Variants in CDC20B observed in about 807,000 individuals in gnomAD.
CDC20B encodes cell division cycle 20B, also known as cell division cycle protein 20 homolog B.
CDC20B carries 58 observed loss-of-function variants against 64.1 expected under a neutral mutation model. That is an observed-to-expected ratio of 0.90 (90% CI 0.73 to 1.13). The LOEUF (loss-of-function observed/expected upper bound fraction) is 1.13. Ranked by LOEUF, CDC20B falls within the 50% of genes most tolerant of loss-of-function variation. The pLI, the probability that CDC20B is intolerant of heterozygous loss-of-function variation, is 0.00. For synonymous variants in CDC20B, 243 were observed against 230.6 expected (o/e 1.05, Z -0.49); for missense variants, 597 against 633.0 (o/e 0.94, Z 0.61).
chr5:55,171,994 C>A (rs1744613164), intron 2 of CDC20B, among the ~76,000 whole-genome samples: 1 of 152,138 alleles, frequency 6.6e-6, no homozygotes, highest in African/African-American at 2.4e-5. Flanking sequence ...GGAAGATGAA[C>A]TATTGAGCCT....
In CDC20B at chr5:55,114,699, T is replaced by A. The variant is rs1216945440; in HGVS notation, c.1460-381A>T. Among the ~76,000 whole-genome samples, 1 of 152,194 alleles carries A rather than the reference T, an allele frequency of 6.6e-6. No homozygotes were observed. On this transcript the variant is annotated intron_variant, in intron 11 of 11. Transcript: ENST00000381375. The surrounding 1 kb of genome is among the most constrained non-coding windows in gnomAD (Gnocchi z 4.1). Reference sequence around the variant, plus strand: ...AGGGGATTCCATGCTTTGCAGCTATTGGCAGTCATTGATTTGTGGCCACAT... The same window carrying A: ...AGGGGATTCCATGCTTTGCAGCTATAGGCAGTCATTGATTTGTGGCCACAT...
chr5:55,156,436 G>A (rs114660358), intron 2 of CDC20B, among the ~76,000 whole-genome samples: 5,397 of 152,234 alleles, frequency 0.035, 142 homozygotes, highest in Non-Finnish European at 0.049. Flanking sequence ...TTATGAAGTC[G>A]AAAGTTCAAA....
At chr5:55,135,502 C>T (rs1202682907) in intron 5 of CDC20B, among the ~76,000 whole-genome samples, 1 of 152,128 alleles carries the variant, frequency 6.6e-6, no homozygotes, top group Non-Finnish European at 1.5e-5. Flanking sequence ...ACTCTCATCC[C>T]AACCATATAT....
rs1425980204 is a variant in CDC20B at position 55,113,065 on chromosome 5, A to G, written c.*1153T>C. ...AATGCCAAGAACTCAAACCCAGGTA[A>G]CATCATTTCAAAACACTTCCTGGAG... On this transcript the variant is annotated 3_prime_UTR_variant, in exon 12 of 12. Coordinates refer to ENST00000381375, the MANE Select transcript of CDC20B (RefSeq NM_001170402.1). The G allele has an allele frequency of 6.6e-6, 1 of 152,240 alleles. No individual in the cohort carries two copies. The highest frequency in any genetic ancestry group is 1.5e-5 in the Non-Finnish European group (1 of 68,054). 9.4% of individuals were successfully genotyped at this position (152,240 alleles called of 1,614,324 possible).
chr5:55,143,268 T>C (rs77492347), intron 4 of CDC20B, among the ~76,000 whole-genome samples: 1 of 152,334 alleles, frequency 6.6e-6, no homozygotes, highest in African/African-American at 2.4e-5. Context: ...AAAGATAAAA[T>C]AGTTATTCTC....
intron 5 of CDC20B, among the ~76,000 whole-genome samples, chr5:55,135,374 G>C (rs921646504): frequency 1.3e-5 from 2 of 151,010 alleles, no homozygotes; most frequent in Non-Finnish European, 3.0e-5. Context: ...GCACCTTACA[G>C]AAACAAAAAC....
chr5:55,128,723 G>T, intron 6 of CDC20B, 106 bp from the exon 7 acceptor site: 1 of 770,306 alleles, frequency 1.3e-6, no homozygotes, highest in Non-Finnish European at 1.9e-6. Flanking sequence ...CATCCCCATG[G>T]TTAGCTGGAA....
chr5:55,136,925 T>G (rs1304911034), intron 5 of CDC20B: 1 of 152,284 alleles, frequency 6.6e-6, no homozygotes, highest in East Asian at 1.9e-4. Context: ...CAGTGGCTCA[T>G]GCCTATAATC....
chr5:55,124,218 T>C (rs1742821453), intron 9 of CDC20B, among the ~76,000 whole-genome samples: 1 of 152,208 alleles, frequency 6.6e-6, no homozygotes, highest in South Asian at 2.1e-4. Context: ...ACGTGTGAGC[T>C]TGTGACCCAG....
At chr5:55,142,640 T>TA (rs1382396642) in intron 4 of CDC20B, among the ~76,000 whole-genome samples, 1 of 152,154 alleles carries the variant, frequency 6.6e-6, no homozygotes, top group Non-Finnish European at 1.5e-5. Flanking sequence ...CAGTGCACCC[T>TA]AATTATCTCA....
chr5:55,128,572 G>A lies in CDC20B; in HGVS notation c.743C>T (p.Ala248Val). ...CCAGATGTATACAGCAGAGCCCAGG[G>A]CTATGGCAACAAGATTCTGAAAACT... Reference protein sequence around the residue: ...DWSFQNLVAIALGSAVYIWNG... With the variant: ...DWSFQNLVAIVLGSAVYIWNG... Residue 248 changes from alanine (A) to valine (V), a missense_variant, in exon 7 of 12, where the codon GCC (alanine) becomes GTC (valine). Transcript: ENST00000381375. 1 of 1,579,386 alleles carries A rather than the reference G, an allele frequency of 6.3e-7. No individual in the cohort carries two copies. The highest frequency in any genetic ancestry group is 1.2e-5 in the South Asian group (1 of 84,102).
intron 2 of CDC20B, chr5:55,163,992 A>G (rs1450850526): frequency 1.6e-6 from 2 of 1,228,442 alleles, no homozygotes; most frequent in Non-Finnish European, 2.3e-6. Context: ...AGATACTAAT[A>G]GAAGTGAAAA....
At chr5:55,146,106 T>C (rs1350096357) in intron 3 of CDC20B, among the ~76,000 whole-genome samples, 1 of 152,182 alleles carries the variant, frequency 6.6e-6, no homozygotes, top group South Asian at 2.1e-4. Flanking sequence ...AAATTTTGCC[T>C]GAGGATGTAG....
At chr5:55,139,023 A>G (rs751945181) in intron 5 of CDC20B, among the ~76,000 whole-genome samples, 34 of 151,818 alleles carry the variant, frequency 2.2e-4, no homozygotes, top group Non-Finnish European at 3.8e-4. Flanking sequence ...CAAGAATGAA[A>G]ATATCCACCA....
intron 3 of CDC20B, 60 bp from the exon 4 acceptor site, chr5:55,143,703 G>A: frequency 5.4e-6 from 8 of 1,493,492 alleles, no homozygotes; most frequent in East Asian, 2.3e-5. Flanking sequence ...CACTTTGATT[G>A]TAGGTCTGGC....
chr5:55,164,247 A>G, intron 2 of CDC20B: 1 of 1,471,082 alleles, frequency 6.8e-7, no homozygotes, highest in Non-Finnish European at 9.1e-7. Context: ...AATAGAACAG[A>G]GAAATGTCTC....
chr5:55,118,068 G>A (rs1193199214), intron 11 of CDC20B, among the ~76,000 whole-genome samples: 2 of 152,046 alleles, frequency 1.3e-5, no homozygotes, highest in Non-Finnish European at 2.9e-5. Context: ...GCAGTGAGCC[G>A]AGATGGTGCC....
In CDC20B at chr5:55,146,668, T is replaced by C. The variant is rs755037794; in HGVS notation, c.315A>G (p.Ser105=). ...STTYLPEASG[S]VLKTPPEKET... is the part of the protein sequence containing the mutation. ...CTTTCTCAGGCGGTGTCTTCAGCAC[T>C]GATCCGGAAGCTTCTGGGAGGTAGG... The change falls in exon 3 of 12, where the codon TCA becomes TCG. Residue 105 remains serine (S), a synonymous_variant. Coordinates refer to ENST00000381375, the MANE Select transcript of CDC20B (RefSeq NM_001170402.1). The C allele has an allele frequency of 1.4e-5, 23 of 1,614,094 alleles. No individual in the cohort carries two copies. The Admixed American group carries it at 3.8e-4, about 27-fold the overall frequency.
intron 11 of CDC20B, among the ~76,000 whole-genome samples, chr5:55,116,155 C>G (rs1177741259): frequency 6.6e-6 from 1 of 152,048 alleles, no homozygotes; most frequent in Non-Finnish European, 1.5e-5. Flanking sequence ...ATGAAAGAAT[C>G]TCTTTTTTTT....
Sources: gnomAD v4.1 joint callset for allele counts (sites outside exome capture counted in the v4.1 genomes callset) on GRCh38, gnomAD v4.1.1 for gene constraint, Gnocchi (gnomAD v3.1) non-coding constraint, MANE v1.5 for transcripts, NCBI Gene and HGNC (gene_info 2026-07-23, HGNC 2026-07-21) for gene names.